Variants in MDGA2 observed in about 807,000 individuals in gnomAD.
MDGA2 encodes MAM domain-containing glycosylphosphatidylinositol anchor protein 2.
A neutral mutation model predicts 117.8 loss-of-function variants in MDGA2; 40 were observed. The ratio of observed to expected loss-of-function variants is 0.34; its 90% CI spans 0.26 to 0.44. The LOEUF (loss-of-function observed/expected upper bound fraction) is 0.44. Ranked by LOEUF, MDGA2 falls within the 20% of genes least tolerant of loss-of-function variation. The pLI is 1.00. For missense variants in MDGA2, 1,123 were observed against 1,250.6 expected, an observed-to-expected ratio of 0.90 and a Z score of 1.54; for synonymous variants, 452 against 439.0, an observed-to-expected ratio of 1.03 and a Z score of -0.37.
At position 46,989,280 on chromosome 14, in the gene MDGA2, T is replaced by C. The variant is rs1886987213; in HGVS notation, c.1820-31637A>G. 2.0e-5 allele frequency among the ~76,000 whole-genome samples: 3 copies of C among 150,806 alleles called. No homozygotes were observed. The South Asian group carries it at 6.3e-4, about 31-fold the overall frequency. On this transcript the variant is annotated intron_variant, in intron 8 of 16. Transcript: ENST00000399232. ...TACTTGCAAGATAGTGGAAGGAAAA[T>C]GGAACTCCCCCCACACATATCAGAA... is the stretch of plus-strand genomic sequence containing the variant.
At chr14:47,313,775 C>A (rs1041132838) in intron 1 of MDGA2, among the ~76,000 whole-genome samples, 1 of 151,988 alleles carries the variant, frequency 6.6e-6, no homozygotes, top group African/African-American at 2.4e-5. Context: ...GAAATATATA[C>A]CTCCATACTT....
chr14:47,344,820 T>A (rs1026168942), intron 1 of MDGA2, among the ~76,000 whole-genome samples: 1 of 152,036 alleles, frequency 6.6e-6, no homozygotes, highest in Non-Finnish European at 1.5e-5. Flanking sequence ...TACATTATCA[T>A]AAAATTGCAA....
chr14:47,511,389 G>A (rs1894637288), intron 1 of MDGA2, among the ~76,000 whole-genome samples: 1 of 152,000 alleles, frequency 6.6e-6, no homozygotes, highest in African/African-American at 2.4e-5. Context: ...ATATGATGTG[G>A]AAACAGCTAA....
At chr14:47,200,925 G>A in intron 3 of MDGA2, 2 of 835,984 alleles carry the variant, frequency 2.4e-6, no homozygotes, top group Non-Finnish European at 4.2e-6. Flanking sequence ...TTGTGGGGCA[G>A]CAAGCCTCGC....
At chr14:47,503,669 G>A (rs1181861371) in intron 1 of MDGA2, among the ~76,000 whole-genome samples, 1 of 152,074 alleles carries the variant, frequency 6.6e-6, no homozygotes, top group Non-Finnish European at 1.5e-5. Flanking sequence ...CTCCCAAAGG[G>A]CTGAGATTAC....
chr14:47,067,948 T>A (rs1890142994), intron 6 of MDGA2, among the ~76,000 whole-genome samples: 1 of 152,140 alleles, frequency 6.6e-6, no homozygotes, highest in Non-Finnish European at 1.5e-5. Context: ...ATCTAACAAC[T>A]CCATTTGCCA....
intron 1 of MDGA2, among the ~76,000 whole-genome samples, chr14:47,482,057 T>G (rs1270559247): frequency 6.6e-6 from 1 of 152,028 alleles, no homozygotes; most frequent in Non-Finnish European, 1.5e-5. Flanking sequence ...GTCTGAAGTT[T>G]GAAGCTAGAT....
chr14:47,391,164 G>A (rs1331794148), intron 1 of MDGA2, among the ~76,000 whole-genome samples: 1 of 152,056 alleles, frequency 6.6e-6, no homozygotes, highest in Admixed American at 6.6e-5. Flanking sequence ...AGCTCTTCTG[G>A]ACCAAACTCT....
At chr14:47,381,893 C>T (rs1266776350) in intron 1 of MDGA2, among the ~76,000 whole-genome samples, 9 of 152,198 alleles carry the variant, frequency 5.9e-5, no homozygotes, top group African/African-American at 2.2e-4. Context: ...AAAAAGAGCC[C>T]ACATTGCCAA....
intron 8 of MDGA2, among the ~76,000 whole-genome samples, chr14:47,020,378 A>T (rs1052593466): frequency 2.0e-5 from 3 of 152,230 alleles, no homozygotes; most frequent in Non-Finnish European, 4.4e-5. Context: ...GGGACCAAAC[A>T]TATTTCATAG....
At chr14:47,051,761 G>T (rs1489181129) in intron 7 of MDGA2, among the ~76,000 whole-genome samples, 1 of 151,832 alleles carries the variant, frequency 6.6e-6, no homozygotes, top group Non-Finnish European at 1.5e-5. Context: ...GAAGAAAATG[G>T]TGATGAAACT....
At chr14:47,337,718 T>TATTA (rs766510019) in intron 1 of MDGA2, among the ~76,000 whole-genome samples, 4 of 152,032 alleles carry the variant, frequency 2.6e-5, no homozygotes, top group Non-Finnish European at 5.9e-5. Context: ...AAATGATGGC[T>TATTA]ATTAATAATT....
Position 47,096,345 on chromosome 14 carries a change from T to C in MDGA2, c.1195+509A>G, listed in dbSNP as rs1007899407. Among the ~76,000 whole-genome samples the C allele has an allele frequency of 2.6e-5, 4 of 152,052 alleles. No homozygotes were observed. The East Asian group carries it at 5.8e-4, about 22-fold the overall frequency. ...TTGTTTATTCTTTTAGAACACCGTA[T>C]CATATGACTATTGATATATATTATT... On this transcript the variant is annotated intron_variant, in intron 6 of 16. Transcript: ENST00000399232.
intron 2 of MDGA2, among the ~76,000 whole-genome samples, chr14:47,253,322 C>T (rs1157295689): frequency 3.9e-5 from 6 of 152,168 alleles, no homozygotes. Context: ...AAGTCCCTTC[C>T]TCCTATTAGC....
rs1447596899 is a variant in MDGA2, at chr14:47,561,156, T to G, written c.280+113361A>C. Among the ~76,000 whole-genome samples the G allele has an allele frequency of 1.2e-3, 89 of 72,898 alleles. 5 individuals carry two copies. Among genetic ancestry groups the G allele is most frequent in the African/African-American group, 3.4e-3 (87 of 25,774 alleles). 47.8% of individuals were successfully genotyped at this position (72,898 alleles called of 152,430 possible). Reference sequence around the variant, plus strand: ...CTCTATCTTTGTTTTTTTTTTTGTTTTGTTTTGTTTTTTTGTTTGTTTGTT... The same window carrying G: ...CTCTATCTTTGTTTTTTTTTTTGTTGTGTTTTGTTTTTTTGTTTGTTTGTT... On this transcript the variant is annotated intron_variant, in intron 1 of 16. Transcript: ENST00000399232.
chr14:46,957,633 T>A lies in MDGA2; in HGVS notation c.1830A>T (p.Ala610=). 6.2e-7 allele frequency: 1 copy of A among 1,614,130 alleles called. No individual in the cohort carries two copies. The highest frequency in any genetic ancestry group is 8.5e-7 in the Non-Finnish European group (1 of 1,179,966). Residue 610 remains alanine (A), a synonymous_variant, in exon 9 of 17, where the codon GCA becomes GCT. Transcript: ENST00000399232. The stretch of plus-strand genomic sequence containing the variant: ...GGATTTCCAAGAATGCTGGTTCCAC[T>A]GCAGGGGGATCTGTAGAAAAGATAT... The part of the protein sequence containing the change: ...LVQLIVQYPP[A]VEPAFLEIRQ...
chr14:47,512,876 T>C (rs1450296804), intron 1 of MDGA2, among the ~76,000 whole-genome samples: 3 of 152,040 alleles, frequency 2.0e-5, no homozygotes, highest in Non-Finnish European at 4.4e-5. Flanking sequence ...CATTCAGAGG[T>C]GAACTTCAAA....
chr14:47,382,017 G>A lies in MDGA2; in HGVS notation c.281-80467C>T, dbSNP rs1891642077. ...TACCAAAACAGAGATAAAGACCAATGGAACAGAACAGAGCCCTCAAAAATA... is the reference window on the plus strand; with the variant it reads ...TACCAAAACAGAGATAAAGACCAATAGAACAGAACAGAGCCCTCAAAAATA... On this transcript the variant is annotated intron_variant, in intron 1 of 16. Coordinates refer to ENST00000399232, the MANE Select transcript of MDGA2 (RefSeq NM_001113498.3). Among the ~76,000 whole-genome samples, 6 of 152,208 alleles carry A rather than the reference G, an allele frequency of 3.9e-5. No homozygotes were observed. In the South Asian group the frequency reaches 1.0e-3, roughly 26 times the overall value.
intron 8 of MDGA2, among the ~76,000 whole-genome samples, chr14:46,977,858 G>A (rs1487817129): frequency 1.3e-5 from 2 of 151,626 alleles, no homozygotes; most frequent in Non-Finnish European, 3.0e-5. Context: ...AATCTTGCTG[G>A]AGAAATTGTG....
Sources: gnomAD v4.1 joint callset for allele counts (sites outside exome capture counted in the v4.1 genomes callset) on GRCh38, gnomAD v4.1.1 for gene constraint, MANE v1.5 for transcripts, NCBI Gene and HGNC (gene_info 2026-07-23, HGNC 2026-07-21) for gene names.